ABCC6: variants seen among roughly 807,000 people sequenced by gnomAD.
ABCC6 encodes ATP binding cassette subfamily C member 6, also known as ATP-binding cassette sub-family C member 6.
A neutral mutation model predicts 169.5 loss-of-function variants in ABCC6; 126 were observed. That is an observed-to-expected ratio of 0.74 (90% CI 0.64 to 0.86). The LOEUF is 0.86. Among genes scored for constraint, ABCC6 ranks in the 40% least tolerant of loss-of-function variants. ABCC6 has a pLI of 0.00. For synonymous variants in ABCC6, 752 were observed against 814.7 expected, an observed-to-expected ratio of 0.92 and a Z score of 1.31; for missense variants, 1,733 against 1,927.2, an observed-to-expected ratio of 0.90 and a Z score of 1.89.
Position 16,203,555 on chromosome 16 carries a change from T to C in ABCC6, c.853A>G (p.Thr285Ala), listed in dbSNP as rs1405427897. Residue 285 changes from threonine to alanine, a missense_variant, in exon 8 of 31, where the codon ACC (threonine) becomes GCC (alanine). Coordinates refer to ENST00000205557, the MANE Select transcript of ABCC6 (RefSeq NM_001171.6). ...KGGSGMKAPETEPFLRQEGSQ... is the reference protein window; with the variant it reads ...KGGSGMKAPEAEPFLRQEGSQ... The stretch of plus-strand genomic sequence containing the variant: ...CCTTCTTGCCGTAGGAAGGGCTCGG[T>C]CTCTGGAGCCTTCATGCCACTGCCG... 2.5e-6 allele frequency: 4 copies of C among 1,613,896 alleles called. No individual in the cohort carries two copies. In the Admixed American group the frequency reaches 6.7e-5, roughly 27 times the overall value.
intron 7 of ABCC6, among the ~76,000 whole-genome samples, chr16:16,206,248 T>C (rs1304495272): frequency 6.6e-6 from 1 of 152,142 alleles, no homozygotes; most frequent in Non-Finnish European, 1.5e-5. Context: ...GGCCATTTAG[T>C]GCAGATCTCA....
chr16:16,197,835 G>A (rs564293186), intron 10 of ABCC6, among the ~76,000 whole-genome samples, 186 bp downstream of exon 10: 1 of 151,800 alleles, frequency 6.6e-6, no homozygotes, highest in Non-Finnish European at 1.5e-5. Flanking sequence ...CCTTTCATGT[G>A]CCTCTCTGAC....
At chr16:16,203,002 A>G (rs1374498910) in intron 8 of ABCC6, among the ~76,000 whole-genome samples, 1 of 152,192 alleles carries the variant, frequency 6.6e-6, no homozygotes, top group African/African-American at 2.4e-5. Flanking sequence ...GGGGACCCAC[A>G]TGGAGCAGAG....
At chr16:16,210,126 T>G (rs1252262497) in intron 6 of ABCC6, among the ~76,000 whole-genome samples, 1 of 151,976 alleles carries the variant, frequency 6.6e-6, no homozygotes, top group Non-Finnish European at 1.5e-5. Flanking sequence ...TTCCCTTTTC[T>G]TTTTTATTTT....
At chr16:16,193,326 A>T (rs2047926949) in intron 10 of ABCC6, among the ~76,000 whole-genome samples, 1 of 152,222 alleles carries the variant, frequency 6.6e-6, no homozygotes, top group African/African-American at 2.4e-5. Context: ...TTAGCATATC[A>T]TCAAGAAATA....
intron 27 of ABCC6, chr16:16,155,601 A>G (rs28445106): frequency 2.5e-5 from 4 of 158,732 alleles, no homozygotes; most frequent in African/African-American, 9.7e-5. Flanking sequence ...TCCCTCATCC[A>G]TCCTTCCATT....
Position 16,176,219 on chromosome 16 carries a change from T to G in ABCC6, c.2591-233A>C, listed in dbSNP as rs114463127. On this transcript the variant is annotated intron_variant, in intron 19 of 30. Coordinates refer to ENST00000205557, the MANE Select transcript of ABCC6 (RefSeq NM_001171.6). Reference sequence around the variant, plus strand: ...TGATAACTGAGCACCTACTATGAACTTGAGGTTGGAAAAACAGCATTTAAC... The same window carrying G: ...TGATAACTGAGCACCTACTATGAACGTGAGGTTGGAAAAACAGCATTTAAC... Among the ~76,000 whole-genome samples, 495 of 152,276 alleles carry G rather than the reference T, an allele frequency of 3.3e-3. 5 individuals carry two copies. Among genetic ancestry groups the G allele is most frequent in the African/African-American group, 0.011 (470 of 41,546 alleles).
intron 24 of ABCC6, 79 bp from the exon 25 acceptor site, chr16:16,161,643 A>T: frequency 6.3e-7 from 1 of 1,589,006 alleles, no homozygotes; most frequent in Non-Finnish European, 8.6e-7. Context: ...AGGACTGGTC[A>T]TCACACCAGC....
intron 27 of ABCC6, among the ~76,000 whole-genome samples, chr16:16,156,196 A>G (rs2046548823): frequency 6.6e-6 from 1 of 152,210 alleles, no homozygotes; most frequent in Admixed American, 6.5e-5. Flanking sequence ...GATTACAGGT[A>G]TAAGCCACAG....
chr16:16,168,312 G>A (rs1291852964), intron 22 of ABCC6, among the ~76,000 whole-genome samples: 3 of 6,984 alleles, frequency 4.3e-4, no homozygotes, highest in Admixed American at 3.4e-3. Context: ...GCAACACGGC[G>A]AAACCGTCTC....
In ABCC6 at chr16:16,154,767, G is replaced by A. The variant is rs63750428; in HGVS notation, c.4069C>T (p.Arg1357Trp). The change falls in exon 29 of 31, where the codon CGG becomes TGG. Residue 1357 changes from arginine (R) to tryptophan (W), a missense_variant. Arg to Trp is a moderately radical substitution (Grantham distance 101). This residue lies in a region of ABCC6 where 1,601 missense variants were observed against 1,635.5 expected (regional missense o/e 0.98). Transcript: ENST00000205557. ...TCCTGCAGCAGGTCGAGGTTCATCCGCAGAGAGCCAGGGAACAGGATGGGG... is the reference window on the plus strand; with the variant it reads ...TCCTGCAGCAGGTCGAGGTTCATCCACAGAGAGCCAGGGAACAGGATGGGG... ...QDPILFPGSL[R>W]MNLDLLQEHS... 8.9e-5 allele frequency: 143 copies of A among 1,612,424 alleles called. No individual in the cohort carries two copies. The East Asian group carries it at 2.8e-3, about 31-fold the overall frequency.
In ABCC6 at chr16:16,178,805, T is replaced by C. The variant is rs933105824; in HGVS notation, c.2408A>G (p.Gln803Arg). 4.3e-6 allele frequency: 7 copies of C among 1,613,762 alleles called. No individual in the cohort carries two copies. Among genetic ancestry groups the C allele is most frequent in the East Asian group, 2.2e-5 (1 of 44,874 alleles). ...ACATGTTCCCAAACTTACTGTTCCC[T>C]GGAGTAGTCCACCAGGCCCAATGAC... Reference protein sequence around the residue: ...NQVIGPGGLLQGTTRILVTHA... With the variant: ...NQVIGPGGLLRGTTRILVTHA... Residue 803 changes from glutamine to arginine, a missense_variant, in exon 18 of 31, where the codon CAG becomes CGG. Gln to Arg is a conservative substitution (Grantham distance 43). Coordinates refer to ENST00000205557, the MANE Select transcript of ABCC6 (RefSeq NM_001171.6).
chr16:16,173,766 C>G (rs937036172), intron 20 of ABCC6, among the ~76,000 whole-genome samples: 13 of 151,380 alleles, frequency 8.6e-5, no homozygotes, highest in African/African-American at 2.9e-4. Flanking sequence ...TGAGCTCAAG[C>G]AATCCACCTG....
intron 20 of ABCC6, 107 bp downstream of exon 20, chr16:16,175,804 C>G: frequency 2.4e-6 from 3 of 1,266,974 alleles, no homozygotes; most frequent in Non-Finnish European, 3.4e-6. Context: ...GTTCTCTATC[C>G]ATAATGGTTT....
In ABCC6 at chr16:16,182,418, C is replaced by A; in HGVS notation, c.2241G>T (p.Gly747=). 4 of 1,613,846 alleles carry A rather than the reference C, an allele frequency of 2.5e-6. No homozygotes were observed. The highest frequency in any genetic ancestry group is 3.4e-6 in the Non-Finnish European group (4 of 1,180,030). ...AAGACCCCCAAACTCTCACCTGCTC[C>A]CCAATTGAAGTGTGGATTCCCTCAG... ...SFPEGIHTSI[G]EQGMNLSGGQ... is the part of the protein sequence containing the mutation. The change falls in exon 17 of 31, where the codon GGG becomes GGT. Residue 747 remains glycine (G), a synonymous_variant. Coordinates refer to ENST00000205557, the MANE Select transcript of ABCC6 (RefSeq NM_001171.6).
At position 16,159,526 on chromosome 16, in the gene ABCC6, C is replaced by A. The variant is rs141728905; in HGVS notation, c.3691G>T (p.Val1231Leu). ...RNWTDLENSI[V>L]SVERMQDYAW... ...TAGTCCTGCATCCGCTCCACTGACACGATGCTGTTCTCTAGGTCTGTCCAG... is the reference window on the plus strand; with the variant it reads ...TAGTCCTGCATCCGCTCCACTGACAAGATGCTGTTCTCTAGGTCTGTCCAG... Residue 1231 changes from valine to leucine, a missense_variant, in exon 26 of 31, where the codon GTG becomes TTG. This residue lies in a region of ABCC6 where 1,601 missense variants were observed against 1,635.5 expected (regional missense o/e 0.98). Coordinates refer to ENST00000205557, the MANE Select transcript of ABCC6 (RefSeq NM_001171.6). The A allele has an allele frequency of 6.2e-7, 1 of 1,614,156 alleles. No homozygotes were observed. Among genetic ancestry groups the A allele is most frequent in the Middle Eastern group, 1.6e-4 (1 of 6,062 alleles).
At chr16:16,155,123 A>G in intron 27 of ABCC6, 92 bp from the exon 28 acceptor site, 2 of 1,435,698 alleles carry the variant, frequency 1.4e-6, no homozygotes, top group Non-Finnish European at 1.9e-6. Flanking sequence ...AGATCTGTCT[A>G]TCCATCCCTC....
chr16:16,192,978 G>A, intron 10 of ABCC6, 56 bp from the exon 11 acceptor site: 2 of 1,482,494 alleles, frequency 1.3e-6, no homozygotes, highest in Non-Finnish European at 1.9e-6. Context: ...GCTCTCAGAG[G>A]CACGTGAACC....
intron 21 of ABCC6, among the ~76,000 whole-genome samples, chr16:16,172,108 T>G (rs1354212141): frequency 1.7e-4 from 18 of 107,516 alleles, no homozygotes; most frequent in South Asian, 3.2e-4. Flanking sequence ...GCTAAATGAG[T>G]GGGTGGGATG....
Sources: gnomAD v4.1 joint callset for allele counts (sites outside exome capture counted in the v4.1 genomes callset) on GRCh38, gnomAD v4.1.1 for gene constraint, gnomAD v4.1.1 regional missense constraint, MANE v1.5 for transcripts, NCBI Gene and HGNC (gene_info 2026-07-23, HGNC 2026-07-21) for gene names.